The following DST variants were observed in gnomAD, a reference collection of about 807,000 sequenced individuals.
DST encodes the protein bullous pemphigoid antigen.
In DST, 253 loss-of-function variants were observed where a neutral mutation model predicts 875.2. The ratio of observed to expected loss-of-function variants is 0.29; its 90% confidence interval spans 0.26 to 0.32. The LOEUF is 0.32. Ranked by LOEUF, DST falls within the 10% of genes least tolerant of loss-of-function variation. The probability of loss-of-function intolerance (pLI) is 1.00; values close to 1 mark genes in which losing one functional copy is unlikely to be tolerated. For missense variants in DST, 8,287 were observed against 9,111.6 expected, an observed-to-expected ratio of 0.91 and a Z score of 3.68; for synonymous variants, 3,124 against 3,197.1, an observed-to-expected ratio of 0.98 and a Z score of 0.77.
chr6:56,631,980 C>G lies in DST; in HGVS notation c.3866G>C (p.Arg1289Pro). Residue 1289 changes from arginine (R) to proline (P), a missense_variant, in exon 29 of 104, where the codon CGG becomes CCG. By Grantham distance (103) the Arg-to-Pro change is moderately radical. Transcript: ENST00000680361. The part of the protein sequence containing the change: ...YISEVRNIRL[R>P]LENCEDRLIR... ...CAGCCGATCTTCACAGTTCTCTAAC[C>G]GAAGTCTAATGTTTCGAACTTCAGA... 6.2e-7 allele frequency: 1 copy of G among 1,613,500 alleles called. No homozygotes were observed. The highest frequency in any genetic ancestry group is 8.5e-7 in the Non-Finnish European group (1 of 1,179,478).
At chr6:56,618,467 T>C in intron 36 of DST, 2 of 1,614,232 alleles carry the variant, frequency 1.2e-6, no homozygotes, top group Non-Finnish European at 1.7e-6. Flanking sequence ...TTGATGTTCA[T>C]GCTCTTTGAT....
At position 56,561,388 on chromosome 6, in the gene DST, T is replaced by C. The variant is rs1340974347; in HGVS notation, c.14230A>G (p.Asn4744Asp). 1 of 1,613,906 alleles carries C rather than the reference T, an allele frequency of 6.2e-7. No homozygotes were observed. Among genetic ancestry groups the C allele is most frequent in the Non-Finnish European group, 8.5e-7 (1 of 1,179,822 alleles). Residue 4744 changes from asparagine to aspartate, a missense_variant, in exon 57 of 104, where the codon AAC becomes GAC. By Grantham distance (23) the Asn-to-Asp change is conservative. Around this residue, in one of 10 missense-constraint regions of DST, gnomAD observed 1,513 missense variants for 1,677.8 expected, o/e 0.90. Coordinates refer to ENST00000680361, the MANE Select transcript of DST (RefSeq NM_001374736.1). The stretch of plus-strand genomic sequence containing the variant: ...TGCTGCCATTTTGTTGCAGTTTTGT[T>C]CATTTTCTGTAACCACTGCATCATT... ...SAMMQWLQKM[N>D]KTATKWQQTP...
At chr6:56,484,606 C>G (rs970121554) in intron 88 of DST, 3 of 152,094 alleles carry the variant, frequency 2.0e-5, no homozygotes, top group Non-Finnish European at 2.9e-5. Flanking sequence ...TACAACTATT[C>G]TACATTAGTA....
At chr6:56,672,647 C>A (rs553252060) in intron 9 of DST, among the ~76,000 whole-genome samples, 1 of 152,282 alleles carries the variant, frequency 6.6e-6, no homozygotes, top group East Asian at 1.9e-4. Flanking sequence ...AGTTACTTAA[C>A]TGCTTTAAGC....
At position 56,477,438 on chromosome 6, in the gene DST, G is replaced by T. The variant is rs1234852449; in HGVS notation, c.21582C>A (p.Thr7194=). ...TAGCCAAAACGGTGTCGCCCATAGT[G>T]GTGGCTTTATTTAGTTCAGCTCTCT... ...EEKRAELNKA[T]TMGDTVLAIC... The change falls in exon 91 of 104, where the codon ACC becomes ACA. Residue 7194 remains threonine, a synonymous_variant. Transcript: ENST00000680361. The T allele has an allele frequency of 6.2e-7, 1 of 1,613,852 alleles. No homozygotes were observed. The highest frequency in any genetic ancestry group is 8.5e-7 in the Non-Finnish European group (1 of 1,179,872).
rs1043791667 is a variant in DST at position 56,591,959 on chromosome 6, A to C, written c.12903+223T>G. Among the ~76,000 whole-genome samples, 6 of 140,724 alleles carry C rather than the reference A, an allele frequency of 4.3e-5. No homozygotes were observed. In the South Asian group the frequency reaches 1.4e-3, roughly 33 times the overall value. The allele number at this position is 140,724 out of a possible 152,430, so 92.3% of individuals were successfully genotyped here. A position where few individuals can be genotyped will look rare whatever the true frequency, so the allele number is the denominator to read the frequency against. On this transcript the variant is annotated intron_variant, in intron 49 of 103. Transcript: ENST00000680361. ...ATCACACTACTGCACTCCAGCCTAC[A>C]CGATGGAGTGAGACTCCATCTCAAA...
intron 36 of DST, chr6:56,619,780 T>A: frequency 6.2e-7 from 1 of 1,614,206 alleles, no homozygotes; most frequent in Non-Finnish European, 8.5e-7. Flanking sequence ...ACTTAAGGCA[T>A]CTGAGTGTAT....
Position 56,900,509 on chromosome 6 carries a change from G to A in DST, c.329C>T (p.Thr110Ile). Residue 110 changes from threonine (T) to isoleucine (I), a missense_variant, in exon 3 of 104, where the codon ACT becomes ATT. Around this residue, in one of 10 missense-constraint regions of DST, gnomAD observed 1,160 missense variants for 1,424.3 expected, o/e 0.81. Transcript: ENST00000680361. ...VEVHHQSEQE[T>I]SVRKRRIKKS... ...CTTGATTCTTCGTTTCCTCACTGAA[G>A]TTTCTTGCTCACTCTGATGGTGAAC... 1 of 1,367,682 alleles carries A rather than the reference G, an allele frequency of 7.3e-7. No individual in the cohort carries two copies. The allele number at this position is 1,367,682 out of a possible 1,614,324, so 84.7% of individuals were successfully genotyped here. A position where few individuals can be genotyped will look rare whatever the true frequency, so the allele number is the denominator to read the frequency against.
chr6:56,775,176 A>G (rs13205667), intron 4 of DST, among the ~76,000 whole-genome samples: 19,076 of 152,106 alleles, frequency 0.13, 1,650 homozygotes, highest in Middle Eastern at 0.2. Flanking sequence ...AAGAGATTAC[A>G]GTTGATCTGG....
intron 99 of DST, among the ~76,000 whole-genome samples, 160 bp from the exon 100 acceptor site, chr6:56,464,916 T>C (rs2094506221): frequency 6.6e-6 from 1 of 152,188 alleles, no homozygotes; most frequent in Admixed American, 6.5e-5. Context: ...CTCAAGGGAT[T>C]GGCTCAATAA....
rs2098859709 is a variant in DST, at chr6:56,639,279, G to A, written c.2944C>T (p.Pro982Ser). ...IAEQLLLENH[P>S]ARLTIEAYRA... ...TTTACCTCAATAGTTAACCGGGCTG[G>A]ATGATTTTCTAGAAGTAGCTGCTCT... The change falls in exon 22 of 104, where the codon CCA becomes TCA. Residue 982 changes from proline to serine, a missense_variant. Transcript: ENST00000680361. The A allele has an allele frequency of 6.2e-7, 1 of 1,613,500 alleles. No homozygotes were observed. The highest frequency in any genetic ancestry group is 8.5e-7 in the Non-Finnish European group (1 of 1,179,636).
chr6:56,736,465 T>C (rs551781770), intron 4 of DST, among the ~76,000 whole-genome samples: 1 of 152,238 alleles, frequency 6.6e-6, no homozygotes, highest in Non-Finnish European at 1.5e-5. Flanking sequence ...TAGACAGCAA[T>C]TCCTTACTTT....
intron 3 of DST, 31 bp downstream of exon 3, chr6:56,900,390 A>G (rs753161733): frequency 1.3e-5 from 17 of 1,332,386 alleles, no homozygotes; most frequent in Non-Finnish European, 1.7e-5. Flanking sequence ...AGTGAATTTA[A>G]TATTTTTATA....
chr6:56,569,990 G>T lies in DST; in HGVS notation c.13744C>A (p.Gln4582Lys). The T allele has an allele frequency of 1.3e-6, 2 of 1,592,798 alleles. No homozygotes were observed. Among genetic ancestry groups the T allele is most frequent in the South Asian group, 1.2e-5 (1 of 85,252 alleles). The change falls in exon 54 of 104, where the codon CAA becomes AAA. Residue 4582 changes from glutamine to lysine, a missense_variant. Gln to Lys is a moderately conservative substitution (Grantham distance 53). Transcript: ENST00000680361. ...ACTTGGAAAGCATCCAACTGTTCTT[G>T]ACAAGAAGTTACAGCTTCTTTTCTA... is the stretch of plus-strand genomic sequence containing the variant. ...KEKKEAVTSC[Q>K]EQLDAFQVLV...
chr6:56,485,919 T>C (rs1488293651), intron 87 of DST, among the ~76,000 whole-genome samples: 1 of 152,162 alleles, frequency 6.6e-6, no homozygotes, highest in African/African-American at 2.4e-5. Flanking sequence ...TGTCTCTTTA[T>C]AGACACGCCC....
intron 81 of DST, 166 bp from the exon 82 acceptor site, chr6:56,497,673 A>G (rs1450374837): frequency 1.2e-5 from 12 of 963,928 alleles, no homozygotes; most frequent in Non-Finnish European, 3.0e-6. Context: ...AGTAGATAAG[A>G]GTATTATGCT....
At chr6:56,852,079 T>C (rs1188775573) in intron 3 of DST, 10 of 1,377,190 alleles carry the variant, frequency 7.3e-6, no homozygotes, top group Non-Finnish European at 9.4e-6. Context: ...GAGTCCCAAC[T>C]CCTTTCCGCT....
chr6:56,553,258 G>A lies in DST; in HGVS notation c.15534C>T (p.Leu5178=), dbSNP rs778200825. 1.9e-6 allele frequency: 3 copies of A among 1,613,798 alleles called. No homozygotes were observed. In the African/African-American group the frequency reaches 4.0e-5, roughly 22 times the overall value. Residue 5178 remains leucine (L), a synonymous_variant, in exon 61 of 104, where the codon CTC becomes CTT. Transcript: ENST00000680361. The part of the protein sequence containing the change: ...ALKYKEQVET[L]WPWIDKCQNN... ...TTTGGCATTTGTCTATCCATGGCCA[G>A]AGAGTCTCTACTTGCTCTTTATACT...
At chr6:56,851,118 A>G (rs536103759) in intron 4 of DST, 3 of 467,840 alleles carry the variant, frequency 6.4e-6, no homozygotes, top group Non-Finnish European at 7.6e-6. Flanking sequence ...AGTAATTAGG[A>G]AAGTTTAGTG....
Sources: gnomAD v4.1 joint callset for allele counts (sites outside exome capture counted in the v4.1 genomes callset) on GRCh38, gnomAD v4.1.1 for gene constraint, gnomAD v4.1.1 regional missense constraint, MANE v1.5 for transcripts, NCBI Gene and HGNC (gene_info 2026-07-23, HGNC 2026-07-21) for gene names.